Variants in DLGAP2 observed in about 807,000 individuals in gnomAD.
The protein encoded by DLGAP2 is DLG associated protein 2, also known as disks large-associated protein 2.
A neutral mutation model predicts 100.3 loss-of-function variants in DLGAP2; 26 were observed. That is an observed-to-expected ratio of 0.26 (90% confidence interval 0.19 to 0.36). The LOEUF (loss-of-function observed/expected upper bound fraction) is 0.36. Ranked by LOEUF, DLGAP2 falls within the 10% of genes least tolerant of loss-of-function variation. DLGAP2 has a pLI of 1.00. For synonymous variants in DLGAP2, 886 were observed against 630.1 expected, an observed-to-expected ratio of 1.41 and a Z score of -6.08; for missense variants, 1,858 against 1,453.2, an observed-to-expected ratio of 1.28 and a Z score of -4.53.
intron 3 of DLGAP2, among the ~76,000 whole-genome samples, chr8:1,325,264 C>T (rs1018016099): frequency 1.3e-5 from 2 of 152,194 alleles, no homozygotes; most frequent in Non-Finnish European, 1.5e-5. Flanking sequence ...GTGAGATGTC[C>T]GATGGTCTCA....
chr8:1,630,603 G>A (rs953127491), intron 7 of DLGAP2, among the ~76,000 whole-genome samples: 21 of 152,106 alleles, frequency 1.4e-4, no homozygotes, highest in Admixed American at 5.9e-4. Context: ...TCGGGAGGCC[G>A]AGGCAGGAGA....
At chr8:1,562,918 G>A (rs1388776787) in intron 5 of DLGAP2, among the ~76,000 whole-genome samples, 1 of 80,226 alleles carries the variant, frequency 1.2e-5, no homozygotes. Flanking sequence ...TGGGGTGTCC[G>A]TGCCTCGTTA....
At chr8:763,234 T>C (rs1477335798) in intron 1 of DLGAP2, among the ~76,000 whole-genome samples, 8 of 152,212 alleles carry the variant, frequency 5.3e-5, no homozygotes. Flanking sequence ...GGACTGGGGT[T>C]AACCCGCACT....
chr8:1,008,965 G>T (rs2129020151), intron 2 of DLGAP2, among the ~76,000 whole-genome samples: 1 of 152,388 alleles, frequency 6.6e-6, no homozygotes, highest in East Asian at 1.9e-4. Flanking sequence ...TCCTGGGTAT[G>T]CAGAATCGCA....
chr8:1,465,840 C>G (rs1798613202), intron 3 of DLGAP2, among the ~76,000 whole-genome samples: 1 of 152,208 alleles, frequency 6.6e-6, no homozygotes, highest in Non-Finnish European at 1.5e-5. Flanking sequence ...GTAGGACCCT[C>G]TGGGGTGAGG....
At position 882,506 on chromosome 8, in the gene DLGAP2, G is replaced by A. The variant is rs376342000; in HGVS notation, c.19-25406G>A. Reference sequence around the variant, plus strand: ...CTGATCCAGCGGTACCTCTCCCTGCGGAGGCCTCCCCTGCGCGCACCCTCG... The same window carrying A: ...CTGATCCAGCGGTACCTCTCCCTGCAGAGGCCTCCCCTGCGCGCACCCTCG... On this transcript the variant is annotated intron_variant, in intron 1 of 14. Coordinates refer to ENST00000637795, the MANE Select transcript of DLGAP2 (RefSeq NM_001346810.2). Among the ~76,000 whole-genome samples, 7 of 106,824 alleles carry A rather than the reference G, an allele frequency of 6.6e-5. No individual in the cohort carries two copies. The East Asian group carries it at 2.2e-3, about 34-fold the overall frequency. 70.1% of individuals were successfully genotyped at this position (106,824 alleles called of 152,430 possible).
chr8:1,650,018 A>G (rs17064153), intron 8 of DLGAP2, among the ~76,000 whole-genome samples: 18,337 of 152,256 alleles, frequency 0.12, 1,512 homozygotes, highest in African/African-American at 0.24. Flanking sequence ...ATTTCTGGAG[A>G]AAAAGCCCCA....
At chr8:1,110,145 GTA>G (rs1804902599) in intron 2 of DLGAP2, among the ~76,000 whole-genome samples, 1 of 145,370 alleles carries the variant, frequency 6.9e-6, no homozygotes, top group Non-Finnish European at 1.5e-5. Flanking sequence ...GATGTGTACT[GTA>G]TCTGTGAGGT....
At chr8:1,260,219 A>T (rs1185871427) in intron 3 of DLGAP2, among the ~76,000 whole-genome samples, 3 of 152,042 alleles carry the variant, frequency 2.0e-5, no homozygotes, top group Non-Finnish European at 4.4e-5. Flanking sequence ...TGAAAGCTTT[A>T]TTATTTCTTA....
intron 1 of DLGAP2, among the ~76,000 whole-genome samples, chr8:795,632 G>GTGTCCAGTGAGAGCAGA (rs1491125816): frequency 7.7e-6 from 1 of 130,360 alleles, no homozygotes; most frequent in Non-Finnish European, 1.7e-5. Context: ...GTGAGAGCAG[G>GTGTCCAGTGAGAGCAGA]CGTCCAGTGA....
At chr8:987,601 C>G (rs759674003) in intron 2 of DLGAP2, among the ~76,000 whole-genome samples, 2 of 152,164 alleles carry the variant, frequency 1.3e-5, no homozygotes, top group Non-Finnish European at 2.9e-5. Flanking sequence ...AATAGACAAA[C>G]TGCTTATTTG....
rs566887276 is a variant in DLGAP2 at position 1,052,347 on chromosome 8, G to T, written c.73+144381G>T. Reference sequence around the variant, plus strand: ...TGCCAAATGCCATGGGGTATTTAAAGCTCAGTAGCCTGTAATCCCTGACTC... The same window carrying T: ...TGCCAAATGCCATGGGGTATTTAAATCTCAGTAGCCTGTAATCCCTGACTC... On this transcript the variant is annotated intron_variant, in intron 2 of 14. Transcript: ENST00000637795. Among the ~76,000 whole-genome samples the T allele has an allele frequency of 5.9e-5, 9 of 152,288 alleles. No individual in the cohort carries two copies. In the East Asian group the frequency reaches 1.7e-3, roughly 29 times the overall value.
At chr8:878,960 G>T (rs1267533086) in intron 1 of DLGAP2, among the ~76,000 whole-genome samples, 1 of 152,346 alleles carries the variant, frequency 6.6e-6, no homozygotes, top group East Asian at 1.9e-4. Context: ...AAGGGACTAA[G>T]ACAGATGGCT....
In DLGAP2 at chr8:1,173,037, G is replaced by A. The variant is rs948745030; in HGVS notation, c.74-85814G>A. Among the ~76,000 whole-genome samples the A allele has an allele frequency of 2.0e-5, 3 of 152,100 alleles. No individual in the cohort carries two copies. In the East Asian group the frequency reaches 5.8e-4, roughly 29 times the overall value. On this transcript the variant is annotated intron_variant, in intron 2 of 14. Transcript: ENST00000637795. The stretch of plus-strand genomic sequence containing the variant: ...TTATCTACTTTTGGTCTTTGATGAT[G>A]GTGATGTACAGATGGGTTTTTGGTG...
At chr8:797,876 G>C (rs576056397) in intron 1 of DLGAP2, among the ~76,000 whole-genome samples, 2 of 152,078 alleles carry the variant, frequency 1.3e-5, no homozygotes, top group Non-Finnish European at 2.9e-5. Flanking sequence ...TCAGCCTCCT[G>C]AGTAGCTGGG....
intron 2 of DLGAP2, among the ~76,000 whole-genome samples, chr8:938,429 C>G (rs1245301499): frequency 6.6e-6 from 1 of 152,074 alleles, no homozygotes; most frequent in East Asian, 1.9e-4. Flanking sequence ...AGGTTGGATC[C>G]AAGTTCTCAA....
rs562899385 is a variant in DLGAP2 at position 1,598,284 on chromosome 8, T to G, written c.1443-28456T>G. On this transcript the variant is annotated intron_variant, in intron 6 of 14. Coordinates refer to ENST00000637795, the MANE Select transcript of DLGAP2 (RefSeq NM_001346810.2). ...AGTTTGCCAGTATTTTATTGAGGAT[T>G]TCTGCATCCATGTTCATCAGGGATA... is the stretch of plus-strand genomic sequence containing the variant. 2.6e-5 allele frequency among the ~76,000 whole-genome samples: 4 copies of G among 152,366 alleles called. No individual in the cohort carries two copies. In the East Asian group the frequency reaches 5.8e-4, roughly 22 times the overall value.
intron 3 of DLGAP2, among the ~76,000 whole-genome samples, chr8:1,364,083 C>A (rs572370140): frequency 6.6e-6 from 1 of 152,312 alleles, no homozygotes; most frequent in Non-Finnish European, 1.5e-5. Flanking sequence ...CAGGTGCAGA[C>A]CCCACCTTTG....
intron 3 of DLGAP2, among the ~76,000 whole-genome samples, chr8:1,291,793 C>G (rs576192912): frequency 6.6e-6 from 1 of 152,086 alleles, no homozygotes; most frequent in Admixed American, 6.5e-5. Flanking sequence ...TTTCATCATA[C>G]GAGCAAATCC....
Sources: gnomAD v4.1 joint callset for allele counts (sites outside exome capture counted in the v4.1 genomes callset) on GRCh38, gnomAD v4.1.1 for gene constraint, MANE v1.5 for transcripts, NCBI Gene and HGNC (gene_info 2026-07-23, HGNC 2026-07-21) for gene names.